TENM2: variants seen among roughly 807,000 people sequenced by gnomAD.
TENM2 encodes the protein teneurin-2.
In TENM2, 52 loss-of-function variants were observed where a neutral mutation model predicts 245.2. The ratio of observed to expected loss-of-function variants is 0.21; its 90% CI spans 0.17 to 0.27. TENM2 has a LOEUF of 0.27. Ranked by LOEUF, TENM2 falls within the 10% of genes least tolerant of loss-of-function variation. TENM2 has a pLI of 1.00. For synonymous variants in TENM2, 1,363 were observed against 1,438.9 expected, an observed-to-expected ratio of 0.95 and a Z score of 1.19; for missense variants, 3,046 against 3,666.8, an observed-to-expected ratio of 0.83 and a Z score of 4.37.
the TENM2 span, among the ~76,000 whole-genome samples, chr5:167,200,877 A>G: frequency 6.6e-6 from 1 of 152,174 alleles, no homozygotes; most frequent in African/African-American, 2.4e-5. Context: ...AATCAATTTC[A>G]TTTAACACTG....
At chr5:168,165,474 A>T (rs2152457400) in intron 13 of TENM2, among the ~76,000 whole-genome samples, 1 of 152,064 alleles carries the variant, frequency 6.6e-6, no homozygotes, top group Non-Finnish European at 1.5e-5. Flanking sequence ...ACTCTGGGGG[A>T]CTGTCTCCCC....
chr5:167,102,064 A>G, the TENM2 span, among the ~76,000 whole-genome samples: 1 of 149,370 alleles, frequency 6.7e-6, no homozygotes, highest in Non-Finnish European at 1.5e-5. Flanking sequence ...CCTCTCTACT[A>G]AAAATACAAA....
intron 5 of TENM2, among the ~76,000 whole-genome samples, chr5:167,995,814 G>T (rs1784011400): frequency 6.6e-6 from 1 of 152,218 alleles, no homozygotes; most frequent in East Asian, 1.9e-4. Context: ...CATAAACAGT[G>T]CATTGCAAAC....
intron 3 of TENM2, among the ~76,000 whole-genome samples, chr5:167,950,016 A>G (rs538183138): frequency 1.2e-3 from 185 of 152,276 alleles, no homozygotes; most frequent in Middle Eastern, 3.4e-3. Context: ...CTGCAATGAA[A>G]TATCATCTTG....
intron 2 of TENM2, among the ~76,000 whole-genome samples, chr5:167,639,799 C>T (rs1231668589): frequency 2.0e-5 from 3 of 152,130 alleles, no homozygotes; most frequent in African/African-American, 7.2e-5. Flanking sequence ...TACACCTAGA[C>T]TCTAAGCTTC....
At chr5:167,882,335 A>G (rs779227907) in intron 3 of TENM2, among the ~76,000 whole-genome samples, 1 of 152,178 alleles carries the variant, frequency 6.6e-6, no homozygotes, top group Non-Finnish European at 1.5e-5. Context: ...CATTCCCTTC[A>G]GGTGAAGCAT....
At chr5:168,187,690 A>G (rs1029823308) in intron 13 of TENM2, 1 of 152,162 alleles carries the variant, frequency 6.6e-6, no homozygotes, top group African/African-American at 2.4e-5. Context: ...AATTCTATGC[A>G]CTTTTTTTCT....
At chr5:167,824,667 A>C (rs1767812528) in intron 2 of TENM2, among the ~76,000 whole-genome samples, 1 of 152,212 alleles carries the variant, frequency 6.6e-6, no homozygotes, top group Admixed American at 6.5e-5. Context: ...ATGGCTTTCC[A>C]TATCATCAAG....
At chr5:168,102,536 A>G (rs1411030721) in intron 9 of TENM2, among the ~76,000 whole-genome samples, 1 of 152,240 alleles carries the variant, frequency 6.6e-6, no homozygotes, top group East Asian at 1.9e-4. Context: ...CACATCAAGA[A>G]TGCCAAAAGG....
chr5:168,092,740 G>C (rs374888655), intron 8 of TENM2, among the ~76,000 whole-genome samples: 1 of 152,182 alleles, frequency 6.6e-6, no homozygotes, highest in African/African-American at 2.4e-5. Context: ...GATGAGAAAC[G>C]ACTTCCTTTG....
At chr5:167,977,934 A>T (rs916185670) in intron 4 of TENM2, among the ~76,000 whole-genome samples, 1 of 152,152 alleles carries the variant, frequency 6.6e-6, no homozygotes, top group Non-Finnish European at 1.5e-5. Context: ...TGGATCTCTC[A>T]TGATCAACTT....
chr5:167,089,961 A>C, the TENM2 span, among the ~76,000 whole-genome samples: 1 of 152,084 alleles, frequency 6.6e-6, no homozygotes, highest in Admixed American at 6.6e-5. Flanking sequence ...TCAGGGGAGG[A>C]GCTACTTTCT....
the TENM2 span, among the ~76,000 whole-genome samples, chr5:167,268,566 A>G: frequency 1.3e-5 from 2 of 152,198 alleles, no homozygotes; most frequent in Admixed American, 6.6e-5. Context: ...ATGTGAAGCT[A>G]TTTGACCAGA....
chr5:167,104,117 A>G, the TENM2 span, among the ~76,000 whole-genome samples: 1 of 151,932 alleles, frequency 6.6e-6, no homozygotes, highest in East Asian at 1.9e-4. Flanking sequence ...ACCCTGTATC[A>G]TAATTGTTTA....
At chr5:167,905,326 T>C (rs141540486) in intron 3 of TENM2, among the ~76,000 whole-genome samples, 60 of 152,284 alleles carry the variant, frequency 3.9e-4, no homozygotes, top group African/African-American at 1.3e-3. Context: ...TTGGGATAGA[T>C]GGAGTTACCA....
chr5:167,014,706 A>G, the TENM2 span, among the ~76,000 whole-genome samples: 10 of 152,292 alleles, frequency 6.6e-5, no homozygotes, highest in East Asian at 1.9e-3. Flanking sequence ...AGGGAATTAA[A>G]CCTGGCACGT....
intron 27 of TENM2, among the ~76,000 whole-genome samples, chr5:168,255,495 G>A (rs185642692): frequency 2.0e-5 from 3 of 152,026 alleles, no homozygotes; most frequent in Admixed American, 1.3e-4. Context: ...TAGTAGAGAC[G>A]GGCTTTCACC....
chr5:167,852,382 C>A (rs932947991), intron 2 of TENM2, among the ~76,000 whole-genome samples: 9 of 152,146 alleles, frequency 5.9e-5, no homozygotes, highest in African/African-American at 2.2e-4. Context: ...GTGTTTTTCC[C>A]AAGACAGCAA....
At chr5:167,459,003 A>G (rs914362867) in intron 2 of TENM2, among the ~76,000 whole-genome samples, 8 of 152,364 alleles carry the variant, frequency 5.3e-5, no homozygotes, top group Non-Finnish European at 7.3e-5. Context: ...AACACATAAC[A>G]TAAAATCTAC....
Sources: gnomAD v4.1 joint callset for allele counts (sites outside exome capture counted in the v4.1 genomes callset) on GRCh38, gnomAD v4.1.1 for gene constraint, MANE v1.5 for transcripts, NCBI Gene and HGNC (gene_info 2026-07-23, HGNC 2026-07-21) for gene names.